MTREX: variants seen among roughly 807,000 people sequenced by gnomAD.
The protein encoded by MTREX is Mtr4 exosome RNA helicase, also known as exosome RNA helicase MTR4.
MTREX carries 76 observed loss-of-function variants against 135.4 expected under a neutral mutation model. That is an observed-to-expected ratio of 0.56 (90% CI 0.47 to 0.68). The LOEUF (loss-of-function observed/expected upper bound fraction) is 0.68. MTREX is among the 30% of genes least tolerant of loss of function. MTREX has a pLI of 0.00. For synonymous variants in MTREX, 404 were observed against 401.6 expected (o/e 1.01, Z -0.07); for missense variants, 920 against 1,262.1 (o/e 0.73, Z 4.11).
chr5:55,321,603 ATTTTTTTTTT>A (rs570546421), intron 1 of MTREX, among the ~76,000 whole-genome samples: 1 of 103,102 alleles, frequency 9.7e-6, no homozygotes, highest in African/African-American at 3.7e-5. Flanking sequence ...CCAAACATCT[ATTTTTTTTTT>A]TTTTTTTTTT....
rs538654252 is a variant in MTREX at position 55,355,101 on chromosome 5, G to C, written c.1533+1832G>C. The stretch of plus-strand genomic sequence containing the variant: ...GAGATGCGTAGAAGCTCAAGAGAAG[G>C]AGAGAGTTAAGCAGCCTGGGACCCT... On this transcript the variant is annotated intron_variant, in intron 14 of 26. Coordinates refer to ENST00000230640, the MANE Select transcript of MTREX (RefSeq NM_015360.5). Among the ~76,000 whole-genome samples the C allele has an allele frequency of 9.2e-5, 14 of 152,312 alleles. No homozygotes were observed. The South Asian group carries it at 2.9e-3, about 32-fold the overall frequency.
At chr5:55,374,183 G>A (rs1007398608) in intron 16 of MTREX, among the ~76,000 whole-genome samples, 1 of 151,608 alleles carries the variant, frequency 6.6e-6, no homozygotes, top group Non-Finnish European at 1.5e-5. Flanking sequence ...GATGAACCCA[G>A]GAGGCAGAGG....
chr5:55,391,170 G>A (rs1378704921), intron 19 of MTREX, among the ~76,000 whole-genome samples: 1 of 152,178 alleles, frequency 6.6e-6, no homozygotes, highest in Non-Finnish European at 1.5e-5. Context: ...GCTGGGTATA[G>A]TGGCTCATGC....
intron 15 of MTREX, among the ~76,000 whole-genome samples, chr5:55,362,799 G>T (rs1408694074): frequency 5.9e-5 from 9 of 152,182 alleles, no homozygotes; most frequent in Admixed American, 5.9e-4. Context: ...CAGAAAGACT[G>T]GTGAATGCAT....
chr5:55,419,661 G>A (rs1396396948), intron 25 of MTREX, among the ~76,000 whole-genome samples: 1 of 152,146 alleles, frequency 6.6e-6, no homozygotes, highest in East Asian at 1.9e-4. Context: ...AAACAATATT[G>A]TACTCTTAAC....
intron 15 of MTREX, among the ~76,000 whole-genome samples, chr5:55,366,395 C>G (rs1750103838): frequency 6.6e-6 from 1 of 152,124 alleles, no homozygotes; most frequent in Non-Finnish European, 1.5e-5. Flanking sequence ...GAGGCTAAGA[C>G]TGGAGGGTTG....
chr5:55,308,101 G>A lies in MTREX; in HGVS notation c.88G>A (p.Asp30Asn), dbSNP rs772096950. Reference sequence around the variant, plus strand: ...GGGAACCAAAAAAGACAAGGAAAAGGACAAGGGGAAATGGAAGGGGCCTCC... The same window carrying A: ...GGGAACCAAAAAAGACAAGGAAAAGAACAAGGGGAAATGGAAGGGGCCTCC... The part of the protein sequence containing the change: ...AAGTKKDKEK[D>N]KGKWKGPPGS... The change falls in exon 1 of 27, where the codon GAC becomes AAC. Residue 30 changes from aspartate to asparagine, a missense_variant. Physicochemically the swap from Asp to Asn is conservative, Grantham distance 23. Around this residue, in one of 6 missense-constraint regions of MTREX, gnomAD observed 136 missense variants for 126.7 expected, o/e 1.07. Transcript: ENST00000230640. 6 of 1,613,932 alleles carry A rather than the reference G, an allele frequency of 3.7e-6. No individual in the cohort carries two copies. The highest frequency in any genetic ancestry group is 2.2e-5 in the South Asian group (2 of 91,060).
At chr5:55,377,622 A>G (rs1750326505) in intron 16 of MTREX, among the ~76,000 whole-genome samples, 1 of 152,218 alleles carries the variant, frequency 6.6e-6, no homozygotes, top group Admixed American at 6.5e-5. Context: ...ATAATATGCC[A>G]ATATCTTTGA....
chr5:55,410,284 G>A (rs368891963), intron 22 of MTREX, among the ~76,000 whole-genome samples: 3 of 151,944 alleles, frequency 2.0e-5, no homozygotes, highest in African/African-American at 7.3e-5. Flanking sequence ...CTTATTTCAC[G>A]AATGTGTGCA....
chr5:55,356,041 A>G (rs936832810), intron 14 of MTREX, among the ~76,000 whole-genome samples: 4 of 152,230 alleles, frequency 2.6e-5, no homozygotes, highest in Non-Finnish European at 5.9e-5. Flanking sequence ...GTTTCCCACC[A>G]AAATGAGTGT....
intron 23 of MTREX, among the ~76,000 whole-genome samples, chr5:55,411,216 G>A (rs1199091243): frequency 1.3e-5 from 2 of 152,158 alleles, no homozygotes; most frequent in African/African-American, 2.4e-5. Flanking sequence ...AATTATCCTT[G>A]TACTGCATTC....
chr5:55,348,364 A>G (rs1164450985), intron 11 of MTREX, among the ~76,000 whole-genome samples: 4 of 152,192 alleles, frequency 2.6e-5, no homozygotes, highest in Non-Finnish European at 5.9e-5. Context: ...CCTACCTCTC[A>G]ACACTGTTTC....
chr5:55,406,367 C>T (rs1177121575), intron 22 of MTREX, among the ~76,000 whole-genome samples: 1 of 152,190 alleles, frequency 6.6e-6, no homozygotes, highest in Non-Finnish European at 1.5e-5. Context: ...GTTAGAGCTT[C>T]TCCATGTGGT....
intron 21 of MTREX, 56 bp from the exon 22 acceptor site, chr5:55,405,369 C>G: frequency 2.1e-6 from 3 of 1,405,142 alleles, no homozygotes; most frequent in South Asian, 1.2e-5. Context: ...GAATAAATCT[C>G]CTTGTACATT....
rs1749816990 is a variant in MTREX, at chr5:55,350,922, G to C, written c.1324G>C (p.Glu442Gln). ...SDEDKKLPQV[E>Q]HVLPLLKRGI... ...CAGTGTTATTCCAAAATCACAGGTA[G>C]AACATGTACTTCCTCTTTTGAAGAG... Residue 442 changes from glutamate to glutamine, a missense_variant, in exon 13 of 27, where the codon GAA becomes CAA. Physicochemically the swap from Glu to Gln is conservative, Grantham distance 29 (BLOSUM62 2). Transcript: ENST00000230640. 6.3e-7 allele frequency: 1 copy of C among 1,593,156 alleles called. No homozygotes were observed. The highest frequency in any genetic ancestry group is 1.4e-5 in the African/African-American group (1 of 73,688).
intron 22 of MTREX, among the ~76,000 whole-genome samples, chr5:55,409,866 C>A (rs1750859512): frequency 6.6e-6 from 1 of 152,126 alleles, no homozygotes; most frequent in African/African-American, 2.4e-5. Context: ...CATTTAAAGG[C>A]TCTTGCCCAT....
intron 22 of MTREX, among the ~76,000 whole-genome samples, chr5:55,408,024 T>A (rs1750832856): frequency 6.6e-6 from 1 of 152,172 alleles, no homozygotes; most frequent in Non-Finnish European, 1.5e-5. Flanking sequence ...CCCAAATTGC[T>A]GGGATTACAG....
intron 11 of MTREX, 54 bp from the exon 12 acceptor site, chr5:55,349,519 G>T (rs1244258092): frequency 2.1e-6 from 2 of 938,664 alleles, no homozygotes; most frequent in Admixed American, 1.8e-5. Flanking sequence ...AATGTGTGAA[G>T]TTTGGTATCA....
At chr5:55,415,858 CA>C (rs1417111477) in intron 24 of MTREX, 111 bp from the exon 25 acceptor site, 6 of 679,844 alleles carry the variant, frequency 8.8e-6, no homozygotes, top group African/African-American at 1.9e-5. Context: ...ACATTGCAGA[CA>C]TAATACCTAG....
Sources: allele counts gnomAD v4.1 joint callset (sites outside exome capture counted in the v4.1 genomes callset), GRCh38; gene constraint gnomAD v4.1.1; regional missense constraint gnomAD v4.1.1; transcripts MANE v1.5; gene names NCBI Gene and HGNC (gene_info 2026-07-23, HGNC 2026-07-21).